Variants in MS4A13 observed in about 807,000 individuals in gnomAD.
MS4A13 encodes the protein membrane spanning 4-domains A13, also known as membrane-spanning 4-domains subfamily A member 13.
A neutral mutation model predicts 18.4 loss-of-function variants in MS4A13; 21 were observed. The observed-to-expected ratio is 1.14, with a 90% confidence interval of 0.81 to 1.64. The LOEUF (loss-of-function observed/expected upper bound fraction) is 1.64, where lower values mean the gene tolerates loss of function less well. Ranked by LOEUF, MS4A13 falls within the 40% of genes most tolerant of loss-of-function variation. The probability of loss-of-function intolerance (pLI) is 0.00; values close to 1 mark genes in which losing one functional copy is unlikely to be tolerated. For synonymous variants in MS4A13, 62 were observed against 57.2 expected (o/e 1.08, Z -0.38); for missense variants, 173 against 176.8 (o/e 0.98, Z 0.12).
At chr11:60,522,359 C>A (rs568957242) in intron 3 of MS4A13, among the ~76,000 whole-genome samples, 1 of 151,594 alleles carries the variant, frequency 6.6e-6, no homozygotes, top group East Asian at 1.9e-4. Context: ...AATTTCAATT[C>A]ATTCGAAAAG....
intron 6 of MS4A13, among the ~76,000 whole-genome samples, chr11:60,538,645 G>T (rs1330149719): frequency 1.3e-5 from 2 of 151,356 alleles, no homozygotes; most frequent in Non-Finnish European, 2.9e-5. Flanking sequence ...TTGAAGGTAA[G>T]TTGCCAGCCT....
chr11:60,516,990 G>A (rs1389365028), intron 2 of MS4A13, among the ~76,000 whole-genome samples: 2 of 151,518 alleles, frequency 1.3e-5, no homozygotes, highest in Non-Finnish European at 2.9e-5. Flanking sequence ...CCATATTAGA[G>A]GCTGGTGATA....
chr11:60,516,075 C>T lies in MS4A13; in HGVS notation c.-22C>T, dbSNP rs1232111257. 1 of 152,094 alleles carries T rather than the reference C, an allele frequency of 6.6e-6. No homozygotes were observed. Among genetic ancestry groups the T allele is most frequent in the African/African-American group, 2.4e-5 (1 of 41,416 alleles). 9.4% of individuals were successfully genotyped at this position (152,094 alleles called of 1,614,324 possible). A position where few individuals can be genotyped will look rare whatever the true frequency, so the allele number is the denominator to read the frequency against. On this transcript the variant is annotated 5_prime_UTR_variant, in exon 2 of 7. Coordinates refer to ENST00000378186, the MANE Select transcript of MS4A13 (RefSeq NM_001012417.3). ...AACAAATCTCTACAGCAGATTCTCT[C>T]GTTTTAGGGGTAAGATTTCACTTTG...
Position 60,525,189 on chromosome 11 carries a change from CCT to C in MS4A13, c.187-15_187-14del, listed in dbSNP as rs1565212016. 4.5e-6 allele frequency: 7 copies of C among 1,539,764 alleles called. No homozygotes were observed. Among genetic ancestry groups the C allele is most frequent in the South Asian group, 1.1e-5 (1 of 88,478 alleles). ...TTTATTCTGAATATAATAAATTTGC[CCT>C]CTGTCTCCTTTTCAGATTATAAGTA... is the stretch of plus-strand genomic sequence containing the variant. On this transcript the variant is annotated splice_polypyrimidine_tract_variant and intron_variant, in intron 4 of 6. Transcript: ENST00000378186.
At chr11:60,541,617 T>A (rs1394361104) in intron 6 of MS4A13, among the ~76,000 whole-genome samples, 1 of 151,996 alleles carries the variant, frequency 6.6e-6, no homozygotes, top group Non-Finnish European at 1.5e-5. Flanking sequence ...AGAAAAAAAA[T>A]TGACCTTATC....
At chr11:60,531,049 T>C (rs2086762511) in intron 6 of MS4A13, among the ~76,000 whole-genome samples, 1 of 152,148 alleles carries the variant, frequency 6.6e-6, no homozygotes, top group Admixed American at 6.5e-5. Flanking sequence ...TATAGCAGTG[T>C]GAAAACAGAC....
chr11:60,532,289 C>G (rs1328869920), intron 6 of MS4A13, among the ~76,000 whole-genome samples: 5 of 152,210 alleles, frequency 3.3e-5, no homozygotes, highest in African/African-American at 9.6e-5. Context: ...GAGTGCCAGA[C>G]AGTGGGCGCA....
intron 2 of MS4A13, among the ~76,000 whole-genome samples, 153 bp downstream of exon 2, chr11:60,516,237 A>G (rs1009387067): frequency 6.6e-6 from 1 of 151,998 alleles, no homozygotes; most frequent in African/African-American, 2.4e-5. Context: ...ACAAATTTTG[A>G]CTGATCTCAT....
rs544081257 is a variant in MS4A13 at position 60,523,290 on chromosome 11, G to T, written c.130-607G>T. Among the ~76,000 whole-genome samples the T allele has an allele frequency of 9.2e-5, 14 of 152,250 alleles. No individual in the cohort carries two copies. The East Asian group carries it at 2.3e-3, about 25-fold the overall frequency. On this transcript the variant is annotated intron_variant, in intron 3 of 6. Coordinates refer to ENST00000378186, the MANE Select transcript of MS4A13 (RefSeq NM_001012417.3). ...ATAAGGAATACTTTGAGGAAATTGTGCAACCCATCTTCAAACAATATGGCA... is the reference window on the plus strand; with the variant it reads ...ATAAGGAATACTTTGAGGAAATTGTTCAACCCATCTTCAAACAATATGGCA...
rs34052697 is a variant in MS4A13, at chr11:60,540,956, CAA to C, written c.403-1549_403-1548del. Among the ~76,000 whole-genome samples, 499 of 109,526 alleles carry C rather than the reference CAA, an allele frequency of 4.6e-3. 2 individuals carry two copies. Among genetic ancestry groups the C allele is most frequent in the Middle Eastern group, 0.014 (3 of 216 alleles). 71.9% of individuals were successfully genotyped at this position (109,526 alleles called of 152,430 possible). A position where few individuals can be genotyped will look rare whatever the true frequency, so the allele number is the denominator to read the frequency against. The stretch of plus-strand genomic sequence containing the variant: ...GGTGACAGAGTAAAACCCTATCTCA[CAA>C]AAAAAAAAAAAAAGGAAAGGAAAAG... On this transcript the variant is annotated intron_variant, in intron 6 of 6. Coordinates refer to ENST00000378186, the MANE Select transcript of MS4A13 (RefSeq NM_001012417.3).
At chr11:60,528,752 C>T (rs1030133911) in intron 5 of MS4A13, among the ~76,000 whole-genome samples, 4 of 152,128 alleles carry the variant, frequency 2.6e-5, no homozygotes, top group Non-Finnish European at 5.9e-5. Context: ...ACTAACCAAT[C>T]GGATTTGTAG....
chr11:60,530,495 A>C (rs2186919), intron 6 of MS4A13, among the ~76,000 whole-genome samples: 65,664 of 152,066 alleles, frequency 0.43, 15,036 homozygotes, highest in Non-Finnish European at 0.51. Context: ...TGGCTGATTG[A>C]GGACATGGTA....
At chr11:60,527,247 T>A (rs1286953427) in intron 5 of MS4A13, among the ~76,000 whole-genome samples, 3 of 152,288 alleles carry the variant, frequency 2.0e-5, no homozygotes, top group African/African-American at 7.2e-5. Context: ...ATCTTGGTTT[T>A]AAGTAATAGG....
chr11:60,526,066 A>T (rs1365912414), intron 5 of MS4A13, among the ~76,000 whole-genome samples: 1 of 152,078 alleles, frequency 6.6e-6, no homozygotes, highest in Non-Finnish European at 1.5e-5. Flanking sequence ...GTGAAGGATA[A>T]ACTTCCTCCT....
chr11:60,537,929 A>G (rs1355639117), intron 6 of MS4A13, among the ~76,000 whole-genome samples: 5 of 134,356 alleles, frequency 3.7e-5, no homozygotes, highest in Admixed American at 3.0e-4. Flanking sequence ...TCGCAAGAAC[A>G]AAAAACCAAA....
At chr11:60,532,122 A>C (rs1590877749) in intron 6 of MS4A13, among the ~76,000 whole-genome samples, 1 of 152,378 alleles carries the variant, frequency 6.6e-6, no homozygotes, top group African/African-American at 2.4e-5. Context: ...TAAATGTTGG[A>C]CTTAACAAAG....
At chr11:60,532,049 A>G (rs936451633) in intron 6 of MS4A13, among the ~76,000 whole-genome samples, 2 of 152,234 alleles carry the variant, frequency 1.3e-5, no homozygotes, top group Non-Finnish European at 2.9e-5. Flanking sequence ...GCAAATAATA[A>G]TAGTTACCCA....
At chr11:60,531,494 G>T (rs1192409005) in intron 6 of MS4A13, among the ~76,000 whole-genome samples, 1 of 152,192 alleles carries the variant, frequency 6.6e-6, no homozygotes, top group African/African-American at 2.4e-5. Flanking sequence ...TAAAGTAAAA[G>T]CTGGGGCAAC....
At chr11:60,516,689 G>A (rs765935583) in intron 2 of MS4A13, among the ~76,000 whole-genome samples, 52 of 152,018 alleles carry the variant, frequency 3.4e-4, no homozygotes, top group Non-Finnish European at 1.9e-4. Context: ...GGGGGCAGGG[G>A]GTAGGCGGGT....
Sources: gnomAD v4.1 joint callset for allele counts (sites outside exome capture counted in the v4.1 genomes callset) on GRCh38, gnomAD v4.1.1 for gene constraint, MANE v1.5 for transcripts, NCBI Gene and HGNC (gene_info 2026-07-23, HGNC 2026-07-21) for gene names.